CLSTN2: variants seen among roughly 807,000 people sequenced by gnomAD.
CLSTN2 encodes calsyntenin 2.
In CLSTN2, 48 loss-of-function variants were observed where a neutral mutation model predicts 101.2. The ratio of observed to expected loss-of-function variants is 0.47; its 90% CI spans 0.38 to 0.60. The LOEUF (loss-of-function observed/expected upper bound fraction) is 0.60. Among genes scored for constraint, CLSTN2 ranks in the 20% least tolerant of loss-of-function variants. The probability of loss-of-function intolerance (pLI) is 0.00; values close to 1 mark genes in which losing one functional copy is unlikely to be tolerated. For missense variants in CLSTN2, 1,160 were observed against 1,238.2 expected, an observed-to-expected ratio of 0.94 and a Z score of 0.95; for synonymous variants, 481 against 463.6, an observed-to-expected ratio of 1.04 and a Z score of -0.48.
intron 1 of CLSTN2, among the ~76,000 whole-genome samples, chr3:140,025,796 G>C (rs1165722145): frequency 6.6e-6 from 1 of 152,198 alleles, no homozygotes; most frequent in African/African-American, 2.4e-5. Flanking sequence ...TTGCTTTATG[G>C]GATGAGGATA....
At chr3:140,363,754 C>T (rs1326898153) in intron 2 of CLSTN2, among the ~76,000 whole-genome samples, 1 of 152,140 alleles carries the variant, frequency 6.6e-6, no homozygotes, top group Non-Finnish European at 1.5e-5. Flanking sequence ...AGATTTTAAG[C>T]TTGAGGGTAA....
intron 2 of CLSTN2, among the ~76,000 whole-genome samples, chr3:140,306,122 T>A (rs2087111923): frequency 6.6e-6 from 1 of 152,182 alleles, no homozygotes; most frequent in Admixed American, 6.5e-5. Flanking sequence ...TCCTTCAAGG[T>A]CCAGTGTCTT....
At chr3:140,533,704 C>CCAT (rs1371520281) in intron 9 of CLSTN2, among the ~76,000 whole-genome samples, 4 of 132,926 alleles carry the variant, frequency 3.0e-5, no homozygotes, top group African/African-American at 1.3e-4. Context: ...GAACGAGACT[C>CCAT]CATCTCAAAA....
intron 12 of CLSTN2, among the ~76,000 whole-genome samples, chr3:140,561,872 A>C (rs1216577293): frequency 6.6e-6 from 1 of 152,216 alleles, no homozygotes. Flanking sequence ...GCAGCTTCTC[A>C]GTGGCAGAGC....
rs1330281973 is a variant in CLSTN2, at chr3:140,570,484, G to C, written c.*4231G>C. 6.6e-6 allele frequency: 1 copy of C among 152,152 alleles called. No homozygotes were observed. Among genetic ancestry groups the C allele is most frequent in the Non-Finnish European group, 1.5e-5 (1 of 68,024 alleles). The allele number at this position is 152,152 out of a possible 1,614,324, so 9.4% of individuals were successfully genotyped here. On this transcript the variant is annotated 3_prime_UTR_variant, in exon 17 of 17. Transcript: ENST00000458420. Reference sequence around the variant, plus strand: ...TTTTATATAAAGGAATTGAACATCTGTGGATTTTGGTGTCCGAGGGGAGTT... The same window carrying C: ...TTTTATATAAAGGAATTGAACATCTCTGGATTTTGGTGTCCGAGGGGAGTT...
intron 1 of CLSTN2, among the ~76,000 whole-genome samples, chr3:140,111,594 T>C (rs1416986824): frequency 6.6e-6 from 1 of 152,068 alleles, no homozygotes; most frequent in Non-Finnish European, 1.5e-5. Flanking sequence ...TGGGTGCAGA[T>C]CTCTTTCTTC....
chr3:139,937,426 A>AT (rs989374807), intron 1 of CLSTN2, among the ~76,000 whole-genome samples: 1 of 152,246 alleles, frequency 6.6e-6, no homozygotes, highest in African/African-American at 2.4e-5. Flanking sequence ...GAACATATTC[A>AT]TTTTTTGGTT....
At chr3:139,961,580 C>T (rs371093301) in intron 1 of CLSTN2, among the ~76,000 whole-genome samples, 4 of 152,254 alleles carry the variant, frequency 2.6e-5, no homozygotes, top group African/African-American at 9.6e-5. Context: ...CATGGGTTCA[C>T]ATTATAGGGT....
intron 2 of CLSTN2, among the ~76,000 whole-genome samples, chr3:140,258,457 T>C (rs549688653): frequency 1.3e-5 from 2 of 152,358 alleles, no homozygotes; most frequent in African/African-American, 4.8e-5. Flanking sequence ...TTCATTTGTC[T>C]TTCTCTTTTT....
At chr3:139,937,052 C>T (rs1345238248) in intron 1 of CLSTN2, among the ~76,000 whole-genome samples, 1 of 151,828 alleles carries the variant, frequency 6.6e-6, no homozygotes, top group African/African-American at 2.4e-5. Flanking sequence ...AAACATCTCC[C>T]CCCTGCTTTC....
intron 1 of CLSTN2, among the ~76,000 whole-genome samples, chr3:140,028,414 C>T (rs2007466562): frequency 6.6e-6 from 1 of 152,126 alleles, no homozygotes; most frequent in Non-Finnish European, 1.5e-5. Flanking sequence ...AGGGCACCTC[C>T]CTTATGGTTC....
chr3:140,488,876 G>A (rs1197007347), intron 8 of CLSTN2, among the ~76,000 whole-genome samples: 1 of 151,950 alleles, frequency 6.6e-6, no homozygotes, highest in Non-Finnish European at 1.5e-5. Flanking sequence ...GATCTGATTG[G>A]CTATGTGCAG....
chr3:140,534,101 G>A (rs1384270286), intron 9 of CLSTN2, among the ~76,000 whole-genome samples: 3 of 152,114 alleles, frequency 2.0e-5, no homozygotes, highest in East Asian at 1.9e-4. Flanking sequence ...AGTATAGCAG[G>A]GCAGTGATTC....
At chr3:140,264,992 G>A (rs2086683264) in intron 2 of CLSTN2, among the ~76,000 whole-genome samples, 1 of 152,094 alleles carries the variant, frequency 6.6e-6, no homozygotes, top group African/African-American at 2.4e-5. Flanking sequence ...ACAACCCCCA[G>A]CACATAAAGT....
chr3:140,196,754 G>A (rs1342348510), intron 2 of CLSTN2, among the ~76,000 whole-genome samples: 1 of 152,196 alleles, frequency 6.6e-6, no homozygotes, highest in Non-Finnish European at 1.5e-5. Context: ...GTTTCATGGG[G>A]AAGCCAAAGT....
At chr3:140,360,875 C>A (rs1379838740) in intron 2 of CLSTN2, among the ~76,000 whole-genome samples, 1 of 152,138 alleles carries the variant, frequency 6.6e-6, no homozygotes, top group Non-Finnish European at 1.5e-5. Flanking sequence ...TAAAAATATT[C>A]CCACAAAGAA....
chr3:140,400,491 G>A (rs1470650932), intron 2 of CLSTN2, among the ~76,000 whole-genome samples: 1 of 152,108 alleles, frequency 6.6e-6, no homozygotes, highest in African/African-American at 2.4e-5. Context: ...TTGAGGTCAG[G>A]AGTTCGAGAC....
chr3:140,356,267 G>A (rs1050645801), intron 2 of CLSTN2, among the ~76,000 whole-genome samples: 4 of 152,290 alleles, frequency 2.6e-5, no homozygotes, highest in East Asian at 1.9e-4. Context: ...AAAGCAGAAC[G>A]TGTGCTGGGA....
chr3:140,154,417 A>C (rs906941894), intron 1 of CLSTN2, among the ~76,000 whole-genome samples: 47 of 152,072 alleles, frequency 3.1e-4, no homozygotes, highest in Admixed American at 7.9e-4. Flanking sequence ...AAACCATGAG[A>C]AGTACTTTGG....
Sources: allele counts gnomAD v4.1 joint callset (sites outside exome capture counted in the v4.1 genomes callset), GRCh38; gene constraint gnomAD v4.1.1; transcripts MANE v1.5; gene names NCBI Gene and HGNC (gene_info 2026-07-23, HGNC 2026-07-21).